Variants in UNC119 observed in about 807,000 individuals in gnomAD.
UNC119 encodes unc-119 lipid binding chaperone.
A neutral mutation model predicts 22.6 loss-of-function variants in UNC119; 15 were observed. The observed-to-expected ratio is 0.66, with a 90% CI of 0.44 to 1.02. UNC119 has a LOEUF of 1.02. UNC119 is among the 50% of genes least tolerant of loss of function. The probability of loss-of-function intolerance (pLI) is 0.00; values close to 1 mark genes in which losing one functional copy is unlikely to be tolerated. For synonymous variants in UNC119, 138 were observed against 139.4 expected, an observed-to-expected ratio of 0.99 and a Z score of 0.07; for missense variants, 322 against 336.0, an observed-to-expected ratio of 0.96 and a Z score of 0.33.
intron 1 of UNC119, chr17:28,552,074 G>A (rs2070277925): frequency 1.5e-6 from 1 of 666,852 alleles, no homozygotes; most frequent in Admixed American, 2.1e-5. Context: ...CCTCCACGCT[G>A]GGAAAAGGGG....
chr17:28,552,501 C>A lies in UNC119; in HGVS notation c.57G>T (p.Gly19=). 6.4e-7 allele frequency: 1 copy of A among 1,566,176 alleles called. No individual in the cohort carries two copies. The highest frequency in any genetic ancestry group is 1.1e-5 in the South Asian group (1 of 87,010). ...GAGTATESAP[G]PSGQSVAPIP... is the part of the protein sequence containing the mutation. ...TGGGGGCCACGCTCTGGCCCGAGGG[C>A]CCCGGAGCGGACTCCGTCGCCGTCC... The change falls in exon 1 of 5, where the codon GGG becomes GGT. Residue 19 remains glycine, a synonymous_variant. Coordinates refer to ENST00000335765, the MANE Select transcript of UNC119 (RefSeq NM_005148.4).
At chr17:28,547,622 GCTCAGTCT>G (rs1207223438) in intron 4 of UNC119, 47 bp downstream of exon 4, 2 of 1,613,910 alleles carry the variant, frequency 1.2e-6, no homozygotes, top group Non-Finnish European at 1.7e-6. Flanking sequence ...CCCTCCCGCA[GCTCAGTCT>G]CTAGACGCCC....
rs2070220953 is a variant in UNC119 at position 28,547,569 on chromosome 17, C to A, written c.610+108G>T. 6 of 1,604,728 alleles carry A rather than the reference C, an allele frequency of 3.7e-6. 1 individual carries two copies. The South Asian group carries it at 4.4e-5, about 12-fold the overall frequency. ...GGGAATGGTGGCAGACACAGAAGAG[C>A]CCCAGGGTGGGGAGAAATGGGATCA... On this transcript the variant is annotated intron_variant, in intron 4 of 4. Transcript: ENST00000335765.
intron 1 of UNC119, 161 bp downstream of exon 1, chr17:28,552,177 G>A (rs957169854): frequency 5.7e-6 from 4 of 705,788 alleles, no homozygotes; most frequent in Non-Finnish European, 1.0e-5. Context: ...AGAGATCTCA[G>A]ACCTGGCGGC....
At chr17:28,548,149 T>C (rs1254091044) in intron 2 of UNC119, 48 bp from the exon 3 acceptor site, 3 of 1,559,732 alleles carry the variant, frequency 1.9e-6, no homozygotes, top group Non-Finnish European at 2.6e-6. Context: ...GCTGGGCCCT[T>C]GTCCACCCAG....
chr17:28,552,248 G>GGTGGGGGAGGGGA lies in UNC119; in HGVS notation c.220+89_220+90insTCCCCTCCCCCAC. Reference sequence around the variant, plus strand: ...GGTGGGGGAGGGGAGGCGGGAAAGGGGGCGGGGGCCAGGGCTTGGCGCGCC... The same window carrying GGTGGGGGAGGGGA: ...GGTGGGGGAGGGGAGGCGGGAAAGGGGTGGGGGAGGGGAGGCGGGGGCCAGGGCTTGGCGCGCC... On this transcript the variant is annotated intron_variant, in intron 1 of 4. Coordinates refer to ENST00000335765, the MANE Select transcript of UNC119 (RefSeq NM_005148.4). 2 of 1,248,236 alleles carry GGTGGGGGAGGGGA rather than the reference G, an allele frequency of 1.6e-6. 1 individual carries two copies. Among genetic ancestry groups the GGTGGGGGAGGGGA allele is most frequent in the South Asian group, 2.9e-5 (2 of 69,362 alleles). The allele number at this position is 1,248,236 out of a possible 1,614,324, so 77.3% of individuals were successfully genotyped here. A position where few individuals can be genotyped will look rare whatever the true frequency, so the allele number is the denominator to read the frequency against.
intron 2 of UNC119, 193 bp from the exon 3 acceptor site, chr17:28,548,294 C>T (rs1297078551): frequency 7.8e-6 from 5 of 637,206 alleles, no homozygotes; most frequent in Non-Finnish European, 1.4e-5. Context: ...CCAATCGCCA[C>T]TGTGCTTCCC....
chr17:28,551,865 A>T (rs1426657880), intron 1 of UNC119: 3 of 243,442 alleles, frequency 1.2e-5, no homozygotes, highest in Non-Finnish European at 2.6e-5. Context: ...CTGGAGGATC[A>T]GGGTGAGGGT....
At chr17:28,548,545 G>A (rs375589640) in intron 2 of UNC119, 47 bp downstream of exon 2, 72 of 1,529,234 alleles carry the variant, frequency 4.7e-5, no homozygotes, top group Middle Eastern at 1.8e-4. Flanking sequence ...AGCCCACTCC[G>A]CAGCTCCTAT....
In UNC119 at chr17:28,547,139, T is replaced by G; in HGVS notation, c.*158A>C. The G allele has an allele frequency of 1.1e-6, 1 of 895,906 alleles. No individual in the cohort carries two copies. The highest frequency in any genetic ancestry group is 1.8e-6 in the Non-Finnish European group (1 of 571,422). 55.5% of individuals were successfully genotyped at this position (895,906 alleles called of 1,614,324 possible). ...GCCGCATGGGCTTCATGGGCTTGAC[T>G]GGGGACACCAGGTACCCTTCCTCCC... On this transcript the variant is annotated 3_prime_UTR_variant, in exon 5 of 5. Coordinates refer to ENST00000335765, the MANE Select transcript of UNC119 (RefSeq NM_005148.4).
chr17:28,552,591 C>T lies in UNC119; in HGVS notation c.-34G>A, dbSNP rs550443043. On this transcript the variant is annotated 5_prime_UTR_variant, in exon 1 of 5. Transcript: ENST00000335765. ...GGGGCCGAGGCTCGCCTGCTGCTGC[C>T]GCCGCTGCCTGCGCCGGCTGGAGCC... 7.4e-6 allele frequency: 11 copies of T among 1,478,524 alleles called. No homozygotes were observed. The highest frequency in any genetic ancestry group is 2.3e-4 in the Middle Eastern group (1 of 4,378). 91.6% of individuals were successfully genotyped at this position (1,478,524 alleles called of 1,614,324 possible).
chr17:28,552,532 C>A lies in UNC119; in HGVS notation c.26G>T (p.Gly9Val). 6.5e-7 allele frequency: 1 copy of A among 1,542,198 alleles called. No homozygotes were observed. MKVKKGGG[G>V]AGTATESAPG... ...AGCGGACTCCGTCGCCGTCCCGGCC[C>A]CACCGCCGCCCTTCTTCACCTTCAT... Residue 9 changes from glycine (G) to valine (V), a missense_variant, in exon 1 of 5, where the codon GGG (glycine) becomes GTG (valine). Gly to Val is a moderately radical substitution (Grantham distance 109, BLOSUM62 -3). Transcript: ENST00000335765.
At chr17:28,551,131 A>T (rs1465180936) in intron 1 of UNC119, 1 of 152,226 alleles carries the variant, frequency 6.6e-6, no homozygotes, top group African/African-American at 2.4e-5. Flanking sequence ...TCTCCCCTCC[A>T]CAGCTCTGTC....
intron 1 of UNC119, chr17:28,549,125 T>C (rs1458723557): frequency 5.4e-6 from 1 of 183,700 alleles, no homozygotes. Flanking sequence ...CTTCCTGCAG[T>C]CTGACCTGTC....
Position 28,546,818 on chromosome 17 carries a change from C to A in UNC119, c.*479G>T. ...CACCTTAGGCAGTGTCTTGGCCCCT[C>A]ATGGGGAGGGATGGGGCTAGGCCTA... On this transcript the variant is annotated 3_prime_UTR_variant, in exon 5 of 5. Transcript: ENST00000335765. 3.9e-6 allele frequency: 1 copy of A among 258,124 alleles called. No individual in the cohort carries two copies. 16.0% of individuals were successfully genotyped at this position (258,124 alleles called of 1,614,324 possible).
rs773950656 is a variant in UNC119 at position 28,548,055 on chromosome 17, G to C, written c.381C>G (p.Arg127=). 6.8e-6 allele frequency: 11 copies of C among 1,613,764 alleles called. No individual in the cohort carries two copies. In the East Asian group the frequency reaches 2.5e-4, roughly 36 times the overall value. Residue 127 remains arginine, a synonymous_variant, in exon 3 of 5, where the codon CGC becomes CGG. Transcript: ENST00000335765. ...CAGGCGTGAACTGGTAGCGGACAAA[G>C]CGCCCAGCATTGGGGTCCAGGTCCC... ...NRRDLDPNAG[R]FVRYQFTPAF...
In UNC119 at chr17:28,547,163, C is replaced by A. The variant is rs907807155; in HGVS notation, c.*134G>T. On this transcript the variant is annotated 3_prime_UTR_variant, in exon 5 of 5. Transcript: ENST00000335765. ...CTGGGGACACCAGGTACCCTTCCTC[C>A]CAACATTGACTCAGGGTCCGGAGCT... 3 of 1,098,004 alleles carry A rather than the reference C, an allele frequency of 2.7e-6. No homozygotes were observed. The highest frequency in any genetic ancestry group is 3.1e-5 in the African/African-American group (2 of 64,630). The allele number at this position is 1,098,004 out of a possible 1,614,324, so 68.0% of individuals were successfully genotyped here.
Position 28,552,616 on chromosome 17 carries a change from C to G in UNC119, c.-59G>C, listed in dbSNP as rs1043732773. On this transcript the variant is annotated 5_prime_UTR_variant, in exon 1 of 5. Coordinates refer to ENST00000335765, the MANE Select transcript of UNC119 (RefSeq NM_005148.4). Reference sequence around the variant, plus strand: ...CGCCGCTGCCTGCGCCGGCTGGAGCCGGGGGAAGTGGGAGCATCCGCAGCC... The same window carrying G: ...CGCCGCTGCCTGCGCCGGCTGGAGCGGGGGGAAGTGGGAGCATCCGCAGCC... 11 of 1,433,968 alleles carry G rather than the reference C, an allele frequency of 7.7e-6. No homozygotes were observed. The highest frequency in any genetic ancestry group is 7.7e-5 in the Admixed American group (3 of 39,112). The allele number at this position is 1,433,968 out of a possible 1,614,324, so 88.8% of individuals were successfully genotyped here. A position where few individuals can be genotyped will look rare whatever the true frequency, so the allele number is the denominator to read the frequency against.
chr17:28,548,227 G>A, intron 2 of UNC119, 126 bp from the exon 3 acceptor site: 1 of 976,428 alleles, frequency 1.0e-6, no homozygotes, highest in Non-Finnish European at 1.5e-6. Flanking sequence ...GGGGCACACT[G>A]AGGGCTCAGA....
Sources: allele counts gnomAD v4.1 joint callset, GRCh38; gene constraint gnomAD v4.1.1; transcripts MANE v1.5; gene names NCBI Gene and HGNC (gene_info 2026-07-23, HGNC 2026-07-21).